Variants in OXSR1 observed in about 807,000 individuals in gnomAD.
The protein encoded by OXSR1 is oxidative stress responsive kinase 1.
In OXSR1, 24 loss-of-function variants were observed where a neutral mutation model predicts 79.8. The observed-to-expected ratio is 0.30, with a 90% CI of 0.22 to 0.42. The LOEUF (loss-of-function observed/expected upper bound fraction) is 0.42, where lower values mean the gene tolerates loss of function less well. Ranked by LOEUF, OXSR1 falls within the 10% of genes least tolerant of loss-of-function variation. The pLI is 1.00. For missense variants in OXSR1, 430 were observed against 618.4 expected, an observed-to-expected ratio of 0.70 and a Z score of 3.23; for synonymous variants, 226 against 209.2, an observed-to-expected ratio of 1.08 and a Z score of -0.69.
At chr3:38,198,913 C>T in intron 4 of OXSR1, 50 bp downstream of exon 4, 1 of 1,505,570 alleles carries the variant, frequency 6.6e-7, no homozygotes, top group Non-Finnish European at 9.2e-7. Flanking sequence ...TAAGGCCATT[C>T]CCACTCTTTT....
At chr3:38,176,503 ATCT>A (rs1701679295) in intron 1 of OXSR1, among the ~76,000 whole-genome samples, 1 of 152,228 alleles carries the variant, frequency 6.6e-6, no homozygotes, top group Non-Finnish European at 1.5e-5. Context: ...CATTACCATA[ATCT>A]TCTATGTTAG....
intron 16 of OXSR1, 147 bp downstream of exon 16, chr3:38,251,618 G>A: frequency 3.0e-6 from 2 of 660,148 alleles, no homozygotes; most frequent in South Asian, 1.9e-5. Context: ...TAATGGGACA[G>A]TTCCTTACAC....
At chr3:38,250,117 A>G (rs910908845) in intron 15 of OXSR1, 99 bp downstream of exon 15, 4 of 868,530 alleles carry the variant, frequency 4.6e-6, no homozygotes, top group African/African-American at 3.4e-5. Context: ...TTGCTTTTAA[A>G]GGATAATAAA....
Position 38,252,943 on chromosome 3 carries a change from T to G in OXSR1, c.*52T>G. On this transcript the variant is annotated 3_prime_UTR_variant, in exon 18 of 18. Transcript: ENST00000311806. Reference sequence around the variant, plus strand: ...AGGAGATTCCACACATGCGTATCTCTGTTGCTTCTATTGGCCTAAACCCAC... The same window carrying G: ...AGGAGATTCCACACATGCGTATCTCGGTTGCTTCTATTGGCCTAAACCCAC... The G allele has an allele frequency of 3.5e-6, 5 of 1,433,376 alleles. No homozygotes were observed. The highest frequency in any genetic ancestry group is 2.3e-5 in the East Asian group (1 of 43,966). 88.8% of individuals were successfully genotyped at this position (1,433,376 alleles called of 1,614,324 possible). A position where few individuals can be genotyped will look rare whatever the true frequency, so the allele number is the denominator to read the frequency against.
chr3:38,216,041 G>A, intron 4 of OXSR1, 55 bp from the exon 5 acceptor site: 1 of 1,070,778 alleles, frequency 9.3e-7, no homozygotes, highest in Non-Finnish European at 1.4e-6. Flanking sequence ...CTTAAATTAT[G>A]TTACTCCAAA....
chr3:38,198,615 C>T, intron 3 of OXSR1, 107 bp from the exon 4 acceptor site: 2 of 718,452 alleles, frequency 2.8e-6, no homozygotes, highest in Non-Finnish European at 2.2e-6. Context: ...TTCATTTCTG[C>T]ACAGTTAAGT....
chr3:38,231,780 T>C (rs1025428877), intron 10 of OXSR1, among the ~76,000 whole-genome samples: 6 of 152,196 alleles, frequency 3.9e-5, no homozygotes, highest in African/African-American at 1.2e-4. Flanking sequence ...CCATCTGAGA[T>C]ACGTGTTGAT....
At chr3:38,234,733 C>G (rs144508313) in intron 10 of OXSR1, among the ~76,000 whole-genome samples, 1 of 152,360 alleles carries the variant, frequency 6.6e-6, no homozygotes, top group African/African-American at 2.4e-5. Flanking sequence ...CAGTTCTACT[C>G]CTAGGCACAC....
chr3:38,212,120 AG>A (rs1171628222), intron 4 of OXSR1, among the ~76,000 whole-genome samples: 1 of 151,860 alleles, frequency 6.6e-6, no homozygotes, highest in African/African-American at 2.4e-5. Context: ...GACTTTTAAA[AG>A]TTCCCTGGGT....
In OXSR1 at chr3:38,248,454, A is replaced by G. The variant is rs182466701; in HGVS notation, c.1322+722A>G. 8.3e-4 allele frequency among the ~76,000 whole-genome samples: 125 copies of G among 150,352 alleles called. 1 individual carries two copies. The highest frequency in any genetic ancestry group is 2.1e-3 in the Admixed American group (31 of 14,766). On this transcript the variant is annotated intron_variant, in intron 14 of 17. Coordinates refer to ENST00000311806, the MANE Select transcript of OXSR1 (RefSeq NM_005109.3). ...CTCTTTCTACTCATAAATGCATTTG[A>G]AAAAAAATTAGTATTAAAGTATCAC...
At chr3:38,218,891 G>A (rs998774508) in intron 5 of OXSR1, among the ~76,000 whole-genome samples, 1 of 152,060 alleles carries the variant, frequency 6.6e-6, no homozygotes, top group Non-Finnish European at 1.5e-5. Context: ...TGCACAAAGG[G>A]GGGGACCTTG....
chr3:38,169,338 C>T (rs1156741773), intron 1 of OXSR1, among the ~76,000 whole-genome samples: 1 of 151,458 alleles, frequency 6.6e-6, no homozygotes, highest in East Asian at 1.9e-4. Flanking sequence ...TGGAGTCTTG[C>T]TCTGTTGCCC....
chr3:38,175,672 C>A (rs963398597), intron 1 of OXSR1, among the ~76,000 whole-genome samples: 1 of 152,220 alleles, frequency 6.6e-6, no homozygotes, highest in African/African-American at 2.4e-5. Context: ...TAGTCCTGCT[C>A]ATGCTTGGGC....
At chr3:38,173,945 A>G (rs156261) in intron 1 of OXSR1, among the ~76,000 whole-genome samples, 145,485 of 152,316 alleles carry the variant, frequency 0.96, 69,531 homozygotes, top group African/African-American at 0.99. Context: ...CACTGAGAAG[A>G]TGACAGTTGA....
chr3:38,175,516 G>A (rs896286467), intron 1 of OXSR1, among the ~76,000 whole-genome samples: 1 of 152,156 alleles, frequency 6.6e-6, no homozygotes, highest in African/African-American at 2.4e-5. Flanking sequence ...GGCCAGGCTG[G>A]TCTCAAACTT....
At chr3:38,199,439 G>A (rs1462503580) in intron 4 of OXSR1, among the ~76,000 whole-genome samples, 3 of 151,846 alleles carry the variant, frequency 2.0e-5, no homozygotes, top group Non-Finnish European at 4.4e-5. Flanking sequence ...TGTTGCCCAG[G>A]CTGTCCTTGA....
intron 4 of OXSR1, among the ~76,000 whole-genome samples, chr3:38,215,802 A>G (rs934769799): frequency 6.6e-6 from 1 of 152,176 alleles, no homozygotes; most frequent in African/African-American, 2.4e-5. Flanking sequence ...ATATATTTCA[A>G]AATGTAGAAT....
At chr3:38,170,313 T>C (rs1234133438) in intron 1 of OXSR1, among the ~76,000 whole-genome samples, 1 of 152,210 alleles carries the variant, frequency 6.6e-6, no homozygotes, top group Non-Finnish European at 1.5e-5. Context: ...CCCAAAGTGT[T>C]GGGGTTACAG....
At chr3:38,196,346 G>C (rs1429759211) in intron 3 of OXSR1, among the ~76,000 whole-genome samples, 1 of 152,094 alleles carries the variant, frequency 6.6e-6, no homozygotes, top group Non-Finnish European at 1.5e-5. Flanking sequence ...TATAAACACC[G>C]TCATCGAGTT....
Sources: gnomAD v4.1 joint callset for allele counts (sites outside exome capture counted in the v4.1 genomes callset) on GRCh38, gnomAD v4.1.1 for gene constraint, MANE v1.5 for transcripts, NCBI Gene and HGNC (gene_info 2026-07-23, HGNC 2026-07-21) for gene names.